ALDH3B1: variants seen among roughly 807,000 people sequenced by gnomAD.
ALDH3B1 encodes aldehyde dehydrogenase family 3 member B1.
A neutral mutation model predicts 46.2 loss-of-function variants in ALDH3B1; 37 were observed. The observed-to-expected ratio is 0.80, with a 90% confidence interval of 0.62 to 1.05. The LOEUF (loss-of-function observed/expected upper bound fraction) is 1.05. Among genes scored for constraint, ALDH3B1 ranks in the 50% least tolerant of loss-of-function variants. The pLI is 0.00. For missense variants in ALDH3B1, 603 were observed against 665.5 expected, an observed-to-expected ratio of 0.91 and a Z score of 1.03; for synonymous variants, 283 against 281.0, an observed-to-expected ratio of 1.01 and a Z score of -0.07.
intron 2 of ALDH3B1, 54 bp from the exon 3 acceptor site, chr11:68,018,473 C>G (rs1180591033): frequency 7.1e-7 from 1 of 1,417,610 alleles, no homozygotes; most frequent in Non-Finnish European, 9.7e-7. Context: ...AGGCTGTGCC[C>G]TCCTGCCAAC....
chr11:68,027,821 T>G lies in ALDH3B1; in HGVS notation c.1289T>G (p.Leu430Arg). ...DTFSHHRACL[L>R]RSPGMEKLNA... Reference sequence around the variant, plus strand: ...TTCTCCCACCATCGCGCCTGCCTCCTGCGCAGCCCGGGGATGGAGAAGCTC... The same window carrying G: ...TTCTCCCACCATCGCGCCTGCCTCCGGCGCAGCCCGGGGATGGAGAAGCTC... Residue 430 changes from leucine to arginine, a missense_variant, in exon 10 of 10, where the codon CTG (leucine) becomes CGG (arginine). Leu to Arg is a moderately radical substitution (Grantham distance 102). Coordinates refer to ENST00000342456, the MANE Select transcript of ALDH3B1 (RefSeq NM_000694.4). The G allele has an allele frequency of 6.4e-7, 1 of 1,557,390 alleles. No individual in the cohort carries two copies. The highest frequency in any genetic ancestry group is 8.7e-7 in the Non-Finnish European group (1 of 1,149,976).
At chr11:68,020,899 G>A (rs535089716) in intron 6 of ALDH3B1, among the ~76,000 whole-genome samples, 409 of 152,324 alleles carry the variant, frequency 2.7e-3, no homozygotes, top group African/African-American at 9.5e-3. Context: ...CTGTGTGCAT[G>A]CGGAGACTGC....
At chr11:68,019,110 T>C (rs1190015990) in intron 4 of ALDH3B1, 60 bp from the exon 5 acceptor site, 11 of 1,543,812 alleles carry the variant, frequency 7.1e-6, no homozygotes, top group African/African-American at 1.4e-5. Context: ...GCCCTGCAGG[T>C]GTGTGGAGAC....
At chr11:68,024,645 A>C (rs1304066745) in intron 8 of ALDH3B1, 1 of 152,074 alleles carries the variant, frequency 6.6e-6, no homozygotes, top group African/African-American at 2.4e-5. Flanking sequence ...TGCAGGACTG[A>C]TCTAGTAGTG....
chr11:68,027,383 A>G (rs896166990), intron 9 of ALDH3B1, among the ~76,000 whole-genome samples: 1 of 152,006 alleles, frequency 6.6e-6, no homozygotes, highest in Non-Finnish European at 1.5e-5. Flanking sequence ...CATCCCCTCA[A>G]TCCCCACCAC....
chr11:68,022,557 C>CT, intron 7 of ALDH3B1, 38 bp from the exon 8 acceptor site: 1 of 1,607,710 alleles, frequency 6.2e-7, no homozygotes, highest in Non-Finnish European at 8.5e-7. Flanking sequence ...GCGGTCCTGA[C>CT]TGTGGCCCCA....
upstream of ALDH3B1, among the ~76,000 whole-genome samples, chr11:68,009,883 A>G (rs1393427310): frequency 6.6e-6 from 1 of 151,970 alleles, no homozygotes; most frequent in Non-Finnish European, 1.5e-5. Context: ...TCCTTAGGGG[A>G]GGCATTGAGG....
chr11:68,020,330 T>C (rs924258009), intron 6 of ALDH3B1, among the ~76,000 whole-genome samples: 2 of 151,994 alleles, frequency 1.3e-5, no homozygotes, highest in African/African-American at 2.4e-5. Flanking sequence ...GCCTCCTGGG[T>C]TCAAGTGATG....
chr11:68,015,547 G>A (rs780486630), intron 2 of ALDH3B1, 88 bp downstream of exon 2: 58 of 1,512,492 alleles, frequency 3.8e-5, no homozygotes, highest in East Asian at 7.4e-5. Context: ...AGACACCTGC[G>A]CCCTCCATGA....
intron 1 of ALDH3B1, chr11:68,015,091 C>A: frequency 1.9e-6 from 1 of 523,382 alleles, no homozygotes. Context: ...TCTGGGAGTG[C>A]TCACTGTTGG....
rs150330582 is a variant in ALDH3B1 at position 68,018,115 on chromosome 11, G to A, written c.163-412G>A. ...AGGTCACTGCTCCAATGTGACCGCC[G>A]CCTGGAGACCTGCACTGACCGCTTT... is the stretch of plus-strand genomic sequence containing the variant. On this transcript the variant is annotated intron_variant, in intron 2 of 9. Coordinates refer to ENST00000342456, the MANE Select transcript of ALDH3B1 (RefSeq NM_000694.4). 940 of 164,830 alleles carry A rather than the reference G, an allele frequency of 5.7e-3. 12 individuals carry two copies. Among genetic ancestry groups the A allele is most frequent in the African/African-American group, 0.021 (896 of 41,738 alleles). The allele number at this position is 164,830 out of a possible 1,614,324, so 10.2% of individuals were successfully genotyped here.
At chr11:68,022,864 G>A (rs1857538485) in intron 8 of ALDH3B1, 103 bp downstream of exon 8, 1 of 1,507,268 alleles carries the variant, frequency 6.6e-7, no homozygotes, top group Admixed American at 1.8e-5. Context: ...AGGACTTTGG[G>A]ATGGTGGACC....
chr11:68,024,355 T>C (rs1165702530), intron 8 of ALDH3B1: 1 of 152,272 alleles, frequency 6.6e-6, no homozygotes, highest in Non-Finnish European at 1.5e-5. Flanking sequence ...TTTGTTTCTT[T>C]ATTATTTGGA....
At chr11:68,025,157 G>C (rs1194174889) in intron 8 of ALDH3B1, 1 of 152,216 alleles carries the variant, frequency 6.6e-6, no homozygotes, top group Non-Finnish European at 1.5e-5. Context: ...TAAGACACAA[G>C]TCATGCACAA....
chr11:68,019,607 T>C, intron 5 of ALDH3B1, 108 bp from the exon 6 acceptor site: 1 of 1,253,878 alleles, frequency 8.0e-7, no homozygotes, highest in Non-Finnish European at 1.1e-6. Flanking sequence ...CCTGGCTGGG[T>C]CAGGCCAGGC....
chr11:68,022,536 C>G, intron 7 of ALDH3B1, 59 bp from the exon 8 acceptor site: 1 of 1,440,072 alleles, frequency 6.9e-7, no homozygotes, highest in African/African-American at 3.0e-5. Context: ...ACCTCTACCC[C>G]CACCCTGGGG....
At chr11:68,008,764 C>A (rs1857174576), upstream of ALDH3B1, 1 of 152,316 alleles carries the variant, frequency 6.6e-6, no homozygotes, top group South Asian at 2.1e-4. Context: ...CCCAGAGGCC[C>A]CGGGGCCGGG....
upstream of ALDH3B1, among the ~76,000 whole-genome samples, chr11:68,009,029 C>T (rs549879925): frequency 1.3e-4 from 20 of 152,260 alleles, no homozygotes; most frequent in South Asian, 1.0e-3. Flanking sequence ...ACCACCAAGG[C>T]GACACGTGGC....
chr11:68,022,620 G>A lies in ALDH3B1; in HGVS notation c.975G>A (p.Gln325=), dbSNP rs1237991270. Residue 325 remains glutamine, a synonymous_variant, in exon 8 of 10, where the codon CAG becomes CAA. Coordinates refer to ENST00000342456, the MANE Select transcript of ALDH3B1 (RefSeq NM_000694.4). The part of the protein sequence containing the change: ...YIAPTVLVDV[Q]EMEPVMQEEI... ...CCCCCACGGTGCTGGTGGATGTGCA[G>A]GAGATGGAGCCTGTGATGCAGGAGG... 4 of 1,613,844 alleles carry A rather than the reference G, an allele frequency of 2.5e-6. No individual in the cohort carries two copies. The South Asian group carries it at 3.3e-5, about 13-fold the overall frequency.
Sources: allele counts gnomAD v4.1 joint callset (sites outside exome capture counted in the v4.1 genomes callset), GRCh38; gene constraint gnomAD v4.1.1; transcripts MANE v1.5; gene names NCBI Gene and HGNC (gene_info 2026-07-23, HGNC 2026-07-21).